Variants in GPR162 observed in about 807,000 individuals in gnomAD.
GPR162 encodes the protein probable G protein-coupled receptor 162.
A neutral mutation model predicts 44.9 loss-of-function variants in GPR162; 26 were observed. The ratio of observed to expected loss-of-function variants is 0.58; its 90% confidence interval spans 0.42 to 0.80. The LOEUF (loss-of-function observed/expected upper bound fraction) is 0.80, where lower values mean the gene tolerates loss of function less well. Ranked by LOEUF, GPR162 falls within the 30% of genes least tolerant of loss-of-function variation. GPR162 has a pLI of 0.00. For synonymous variants in GPR162, 363 were observed against 335.2 expected (o/e 1.08, Z -0.91); for missense variants, 704 against 802.3 (o/e 0.88, Z 1.48).
Position 6,824,647 on chromosome 12 carries a change from G to T in GPR162, c.749G>T (p.Arg250Leu). The change falls in exon 2 of 5, where the codon CGA (arginine) becomes CTA (leucine). Residue 250 changes from arginine (R) to leucine (L), a missense_variant. By Grantham distance (102) the Arg-to-Leu change is moderately radical. Transcript: ENST00000311268. ...EVPAIVVEDARGKRRSSLDGS... is the reference protein window; with the variant it reads ...EVPAIVVEDALGKRRSSLDGS... ...CCAGCCATTGTGGTGGAGGATGCCC[G>T]AGGGAAGCGGCGGTCCTCGCTGGAT... 1.2e-6 allele frequency: 2 copies of T among 1,613,978 alleles called. No individual in the cohort carries two copies. The highest frequency in any genetic ancestry group is 1.7e-6 in the Non-Finnish European group (2 of 1,179,904).
Position 6,825,607 on chromosome 12 carries a change from C to T in GPR162, c.991C>T (p.Arg331Cys), listed in dbSNP as rs1555119888. ...PSFIWSCERY[R>C]ADVRTVWEQC... is the part of the protein sequence containing the mutation. ...CTTCATCTGGTCCTGCGAGCGCTAC[C>T]GCGCCGACGTGCGCACAGTGTGGGA... The change falls in exon 3 of 5, where the codon CGC (arginine) becomes TGC (cysteine). Residue 331 changes from arginine to cysteine, a missense_variant. Transcript: ENST00000311268. The T allele has an allele frequency of 2.5e-6, 4 of 1,595,730 alleles. No individual in the cohort carries two copies. Among genetic ancestry groups the T allele is most frequent in the Non-Finnish European group, 3.4e-6 (4 of 1,171,304 alleles).
chr12:6,824,924 GC>G (rs1190806347), intron 2 of GPR162, 159 bp downstream of exon 2: 6 of 723,350 alleles, frequency 8.3e-6, no homozygotes, highest in Non-Finnish European at 1.5e-5. Flanking sequence ...TCCATTTGTG[GC>G]CCCCATCTTG....
At chr12:6,825,900 C>T (rs1943347662) in intron 3 of GPR162, among the ~76,000 whole-genome samples, 1 of 152,188 alleles carries the variant, frequency 6.6e-6, no homozygotes. Flanking sequence ...CAGAAACCCA[C>T]ACTGCCCAGC....
Position 6,824,222 on chromosome 12 carries a change from C to G in GPR162, c.324C>G (p.Val108=). 1 of 1,613,932 alleles carries G rather than the reference C, an allele frequency of 6.2e-7. No homozygotes were observed. Among genetic ancestry groups the G allele is most frequent in the Non-Finnish European group, 8.5e-7 (1 of 1,180,004 alleles). Residue 108 remains valine (V), a synonymous_variant, in exon 2 of 5, where the codon GTC becomes GTG. Coordinates refer to ENST00000311268, the MANE Select transcript of GPR162 (RefSeq NM_019858.2). ...TGGCGCTGGCCACCTGCTTCACGGT[C>G]GCCTCCCTCTCCTACCATCGCATGT... The part of the protein sequence containing the change: ...YTLALATCFT[V]ASLSYHRMWM...
Position 6,824,430 on chromosome 12 carries a change from G to A in GPR162, c.532G>A (p.Gly178Ser), listed in dbSNP as rs1555119665. Residue 178 changes from glycine (G) to serine (S), a missense_variant, in exon 2 of 5, where the codon GGC (glycine) becomes AGC (serine). Physicochemically the swap from Gly to Ser is moderately conservative, Grantham distance 56 (BLOSUM62 0). Coordinates refer to ENST00000311268, the MANE Select transcript of GPR162 (RefSeq NM_019858.2). ...CQFIVSKIGLGFGVCFSLLLL... is the reference protein window; with the variant it reads ...CQFIVSKIGLSFGVCFSLLLL... ...GTTCATAGTCTCCAAGATCGGCCTC[G>A]GCTTTGGCGTTTGCTTCAGCCTCTT... The A allele has an allele frequency of 1.9e-6, 3 of 1,614,192 alleles. No individual in the cohort carries two copies. The highest frequency in any genetic ancestry group is 8.5e-7 in the Non-Finnish European group (1 of 1,180,030).
chr12:6,826,331 T>A lies in GPR162; in HGVS notation c.1193T>A (p.Leu398His), dbSNP rs373602996. ...LPGRHMLFPP[L>H]ERVHYLQVPL... is the part of the protein sequence containing the mutation. ...GGAAGGCACATGCTCTTCCCTCCTC[T>A]TGAGAGAGTCCACTACTTACAGGTA... Residue 398 changes from leucine to histidine, a missense_variant, in exon 4 of 5, where the codon CTT (leucine) becomes CAT (histidine). Physicochemically the swap from Leu to His is moderately conservative, Grantham distance 99 (BLOSUM62 -3). This residue lies in a region of GPR162 where 404 missense variants were observed against 314.1 expected (regional missense o/e 1.29). Coordinates refer to ENST00000311268, the MANE Select transcript of GPR162 (RefSeq NM_019858.2). 6.2e-7 allele frequency: 1 copy of A among 1,613,364 alleles called. No homozygotes were observed. The highest frequency in any genetic ancestry group is 1.3e-5 in the African/African-American group (1 of 75,014).
At chr12:6,826,071 C>G in intron 3 of GPR162, 125 bp from the exon 4 acceptor site, 1 of 721,972 alleles carries the variant, frequency 1.4e-6, no homozygotes, top group East Asian at 2.5e-5. Context: ...GCCACTCTCA[C>G]TGTCCTCTTG....
chr12:6,826,995 T>C lies in GPR162; in HGVS notation c.1558T>C (p.Ser520Pro), dbSNP rs1555120345. 2 of 1,613,264 alleles carry C rather than the reference T, an allele frequency of 1.2e-6. No homozygotes were observed. The highest frequency in any genetic ancestry group is 8.5e-7 in the Non-Finnish European group (1 of 1,179,984). ...GACACCTCTGCCTTCTCCGACTGCC[T>C]CACCAGGGCACTCTCCTCGTCGGCC... is the stretch of plus-strand genomic sequence containing the variant. ...DETPLPSPTA[S>P]PGHSPRRPRP... is the part of the protein sequence containing the mutation. The change falls in exon 5 of 5, where the codon TCA becomes CCA. Residue 520 changes from serine to proline, a missense_variant. This residue lies in a region of GPR162 where 404 missense variants were observed against 314.1 expected (regional missense o/e 1.29). Coordinates refer to ENST00000311268, the MANE Select transcript of GPR162 (RefSeq NM_019858.2).
In GPR162 at chr12:6,826,854, G is replaced by A. The variant is rs781976248; in HGVS notation, c.1417G>A (p.Gly473Ser). 6.2e-7 allele frequency: 1 copy of A among 1,612,730 alleles called. No individual in the cohort carries two copies. The highest frequency in any genetic ancestry group is 8.5e-7 in the Non-Finnish European group (1 of 1,179,286). Residue 473 changes from glycine (G) to serine (S), a missense_variant, in exon 5 of 5, where the codon GGT becomes AGT. Gly to Ser is a moderately conservative substitution (Grantham distance 56). This residue lies in a region of GPR162 where 404 missense variants were observed against 314.1 expected (regional missense o/e 1.29). Transcript: ENST00000311268. ...CGAGGAGGACGAGGAAGAGGCTGAA[G>A]GTGGGGGGCTGGCCAGCCTTCGCCA... is the stretch of plus-strand genomic sequence containing the variant. ...EDEEDEEEAE[G>S]GGLASLRQFL...
rs1361986045 is a variant in GPR162 at position 6,822,543 on chromosome 12, C to G, written c.-432+643C>G. On this transcript the variant is annotated intron_variant, in intron 1 of 4. Coordinates refer to ENST00000311268, the MANE Select transcript of GPR162 (RefSeq NM_019858.2). The surrounding 1 kb of genome is among the most constrained non-coding windows in gnomAD (Gnocchi z 4.2). Reference sequence around the variant, plus strand: ...GGTTTCACCCGATTCCCTTACCCCCCTTCCCAGGGCTCACTGAAGCTCAGC... The same window carrying G: ...GGTTTCACCCGATTCCCTTACCCCCGTTCCCAGGGCTCACTGAAGCTCAGC... Among the ~76,000 whole-genome samples, 1 of 152,200 alleles carries G rather than the reference C, an allele frequency of 6.6e-6. No individual in the cohort carries two copies. The highest frequency in any genetic ancestry group is 1.5e-5 in the Non-Finnish European group (1 of 68,030).
At chr12:6,823,173 G>A (rs1294246431) in intron 1 of GPR162, among the ~76,000 whole-genome samples, 1 of 152,248 alleles carries the variant, frequency 6.6e-6, no homozygotes, top group East Asian at 1.9e-4. Flanking sequence ...GAGTAGTGCT[G>A]AGCAGGGGAT....
chr12:6,825,731 C>G (rs1412873769), intron 3 of GPR162, 58 bp downstream of exon 3: 5 of 1,430,466 alleles, frequency 3.5e-6, no homozygotes, highest in African/African-American at 1.4e-5. Context: ...CCTTTTCTGC[C>G]GCTCCTTCTC....
chr12:6,822,947 C>A lies in GPR162; in HGVS notation c.-431-521C>A, dbSNP rs11575109. 0.13 allele frequency among the ~76,000 whole-genome samples: 20,137 copies of A among 152,196 alleles called. 1,656 individuals are homozygous for A. Among genetic ancestry groups the A allele is most frequent in the East Asian group, 0.22 (1,149 of 5,172 alleles). Reference sequence around the variant, plus strand: ...CCCCTTCGGTCCCAGACTCCTTTCTCCCATTTTCCCAGATATGGGTAGCTG... The same window carrying A: ...CCCCTTCGGTCCCAGACTCCTTTCTACCATTTTCCCAGATATGGGTAGCTG... On this transcript the variant is annotated intron_variant, in intron 1 of 4. Coordinates refer to ENST00000311268, the MANE Select transcript of GPR162 (RefSeq NM_019858.2). The surrounding 1 kb of genome is among the most constrained non-coding windows in gnomAD (Gnocchi z 4.2).
chr12:6,823,081 T>C (rs10849526), intron 1 of GPR162, among the ~76,000 whole-genome samples: 21,718 of 152,176 alleles, frequency 0.14, 1,944 homozygotes, highest in South Asian at 0.25. Context: ...CCCAGTTCAC[T>C]GTGAACCCTC....
intron 2 of GPR162, 48 bp from the exon 3 acceptor site, chr12:6,825,436 G>A (rs1555119844): frequency 9.2e-6 from 11 of 1,199,240 alleles, no homozygotes; most frequent in Non-Finnish European, 1.2e-6. Flanking sequence ...GGTTCAGGTG[G>A]GCTCCTCAGC....
rs1943299824 is a variant in GPR162 at position 6,822,709 on chromosome 12, C to T, written c.-431-759C>T. On this transcript the variant is annotated intron_variant, in intron 1 of 4. Transcript: ENST00000311268. The surrounding 1 kb of genome is among the most constrained non-coding windows in gnomAD (Gnocchi z 4.2). ...GGCTTTTCTTCTCAGCCTCCTATTC[C>T]CTGCTCCCTCCCTCCCTCCCTCCTC... is the stretch of plus-strand genomic sequence containing the variant. Among the ~76,000 whole-genome samples the T allele has an allele frequency of 6.6e-6, 1 of 152,110 alleles. No individual in the cohort carries two copies.
At chr12:6,824,903 C>A in intron 2 of GPR162, 138 bp downstream of exon 2, 1 of 748,244 alleles carries the variant, frequency 1.3e-6, no homozygotes, top group Non-Finnish European at 2.4e-6. Flanking sequence ...TCTCCTCTGT[C>A]CATCCCCCAC....
At position 6,822,216 on chromosome 12, in the gene GPR162, T is replaced by A. The variant is rs1008864201; in HGVS notation, c.-432+316T>A. On this transcript the variant is annotated intron_variant, in intron 1 of 4. Coordinates refer to ENST00000311268, the MANE Select transcript of GPR162 (RefSeq NM_019858.2). This position sits in a 1 kb window ranked among gnomAD's most constrained non-coding sequence, Gnocchi z 4.2. ...CTCTGACTCCCTATCTCTTTCATCC[T>A]GAGCCCACCAGCTGGGCCTGGGTGG... is the stretch of plus-strand genomic sequence containing the variant. Among the ~76,000 whole-genome samples, 1 of 152,162 alleles carries A rather than the reference T, an allele frequency of 6.6e-6. No individual in the cohort carries two copies. Among genetic ancestry groups the A allele is most frequent in the South Asian group, 2.1e-4 (1 of 4,836 alleles).
At position 6,826,178 on chromosome 12, in the gene GPR162, G is replaced by T; in HGVS notation, c.1058-18G>T. 1 of 1,608,960 alleles carries T rather than the reference G, an allele frequency of 6.2e-7. No homozygotes were observed. The highest frequency in any genetic ancestry group is 8.5e-7 in the Non-Finnish European group (1 of 1,176,750). Reference sequence around the variant, plus strand: ...GGCATTCCCTACCTGTAACCACTCTGCCCATTTTCTCTCCTAGATGGGGGC... The same window carrying T: ...GGCATTCCCTACCTGTAACCACTCTTCCCATTTTCTCTCCTAGATGGGGGC... On this transcript the variant is annotated intron_variant, in intron 3 of 4. Transcript: ENST00000311268.
Sources: gnomAD v4.1 joint callset for allele counts (sites outside exome capture counted in the v4.1 genomes callset) on GRCh38, gnomAD v4.1.1 for gene constraint, gnomAD v4.1.1 regional missense constraint, Gnocchi (gnomAD v3.1) non-coding constraint, MANE v1.5 for transcripts, NCBI Gene and HGNC (gene_info 2026-07-23, HGNC 2026-07-21) for gene names.